The following NUP188 variants were observed in gnomAD, a reference collection of about 807,000 sequenced individuals.
NUP188 encodes nucleoporin 188, also known as nucleoporin NUP188.
Under a neutral mutation model 223.0 loss-of-function variants are expected in NUP188, and 97 were observed. That is an observed-to-expected ratio of 0.43 (90% CI 0.37 to 0.51). The LOEUF (loss-of-function observed/expected upper bound fraction) is 0.51, where lower values mean the gene tolerates loss of function less well. NUP188 is among the 20% of genes least tolerant of loss of function. The pLI, the probability that NUP188 is intolerant of heterozygous loss-of-function variation, is 0.00. For missense variants in NUP188, 1,947 were observed against 2,175.6 expected, an observed-to-expected ratio of 0.89 and a Z score of 2.09; for synonymous variants, 869 against 828.0, an observed-to-expected ratio of 1.05 and a Z score of -0.85.
intron 14 of NUP188, among the ~76,000 whole-genome samples, chr9:128,981,013 G>C (rs1842246461): frequency 2.0e-5 from 3 of 152,214 alleles, no homozygotes; most frequent in Non-Finnish European, 2.9e-5. Flanking sequence ...AGGTGGTACA[G>C]AGTAAATGTC....
Position 128,980,595 on chromosome 9 carries a change from T to C in NUP188, c.1270-11T>C. ...ATGTGAAGATCAGTGATTTGTCCCC[T>C]TCCACCACAGGAGCCAACTTCTGGC... On this transcript the variant is annotated splice_polypyrimidine_tract_variant and intron_variant, in intron 13 of 43. Coordinates refer to ENST00000372577, the MANE Select transcript of NUP188 (RefSeq NM_015354.3). 1 of 1,607,716 alleles carries C rather than the reference T, an allele frequency of 6.2e-7. No individual in the cohort carries two copies. The highest frequency in any genetic ancestry group is 1.3e-5 in the African/African-American group (1 of 74,878).
chr9:128,963,650 A>G lies in NUP188; in HGVS notation c.585+4516A>G, dbSNP rs924402183. On this transcript the variant is annotated intron_variant, in intron 8 of 43. Transcript: ENST00000372577. ...TGGCTGTTAATTTTAAACATCCTAA[A>G]TAAGTATATAGTAATATCTCATTGT... Among the ~76,000 whole-genome samples the G allele has an allele frequency of 4.6e-5, 7 of 152,090 alleles. No individual in the cohort carries two copies. The East Asian group carries it at 1.2e-3, about 25-fold the overall frequency.
Position 128,957,018 on chromosome 9 carries a change from C to T in NUP188, c.313C>T (p.Arg105Trp), listed in dbSNP as rs77094676. The T allele has an allele frequency of 6.6e-5, 106 of 1,610,352 alleles. No homozygotes were observed. Among genetic ancestry groups the T allele is most frequent in the Non-Finnish European group, 8.0e-5 (94 of 1,177,410 alleles). Residue 105 changes from arginine to tryptophan, a missense_variant, in exon 5 of 44, where the codon CGG becomes TGG. Physicochemically the swap from Arg to Trp is moderately radical, Grantham distance 101. This residue lies in a region of NUP188 where 817 missense variants were observed against 865.8 expected (regional missense o/e 0.94). Coordinates refer to ENST00000372577, the MANE Select transcript of NUP188 (RefSeq NM_015354.3). Reference sequence around the variant, plus strand: ...CCTGCAAGAGGACTACAGGGGTACTCGGGACTCAGTAAAGGTTTGTGGTTT... The same window carrying T: ...CCTGCAAGAGGACTACAGGGGTACTTGGGACTCAGTAAAGGTTTGTGGTTT... ...CYLQEDYRGT[R>W]DSVKTVLQDE...
chr9:128,985,091 C>G (rs1842315494), intron 20 of NUP188, 77 bp downstream of exon 20: 2 of 989,636 alleles, frequency 2.0e-6, no homozygotes, highest in East Asian at 4.9e-5. Context: ...AATAGTTTCC[C>G]TGGCCCCTGG....
At chr9:128,952,913 C>T in intron 3 of NUP188, 67 bp downstream of exon 3, 1 of 1,221,110 alleles carries the variant, frequency 8.2e-7, no homozygotes, top group Non-Finnish European at 1.2e-6. Context: ...TAAAACCATC[C>T]TTCTATGTGC....
rs761424140 is a variant in NUP188, at chr9:128,958,017, T to C, written c.335T>C (p.Leu112Pro). 7 of 1,613,016 alleles carry C rather than the reference T, an allele frequency of 4.3e-6. No homozygotes were observed. Among genetic ancestry groups the C allele is most frequent in the Middle Eastern group, 1.6e-4 (1 of 6,082 alleles). ...CTCTGTTTTTCTTTTCAGACAGTACTGCAAGATGAGAGGCAGAGCCAGGCC... is the reference window on the plus strand; with the variant it reads ...CTCTGTTTTTCTTTTCAGACAGTACCGCAAGATGAGAGGCAGAGCCAGGCC... ...RGTRDSVKTVLQDERQSQALI... is the reference protein window; with the variant it reads ...RGTRDSVKTVPQDERQSQALI... Residue 112 changes from leucine to proline, a missense_variant, in exon 6 of 44, where the codon CTG (leucine) becomes CCG (proline). By Grantham distance (98) the Leu-to-Pro change is moderately conservative. Coordinates refer to ENST00000372577, the MANE Select transcript of NUP188 (RefSeq NM_015354.3).
rs1226633037 is a variant in NUP188 at position 128,990,190 on chromosome 9, A to G, written c.2604A>G (p.Pro868=). Residue 868 remains proline, a synonymous_variant, in exon 25 of 44, where the codon CCA becomes CCG. Coordinates refer to ENST00000372577, the MANE Select transcript of NUP188 (RefSeq NM_015354.3). ...YIYHKHDPAL[P]RLAIQLLKRL... is the part of the protein sequence containing the mutation. ...ACCACAAACATGACCCTGCTTTGCC[A>G]CGTCTTGCCATTCAGCTGCTGAAAC... is the stretch of plus-strand genomic sequence containing the variant. The G allele has an allele frequency of 1.2e-6, 2 of 1,614,190 alleles. No individual in the cohort carries two copies. The highest frequency in any genetic ancestry group is 3.3e-5 in the Admixed American group (2 of 60,018).
intron 3 of NUP188, among the ~76,000 whole-genome samples, chr9:128,953,505 A>C (rs561459345): frequency 7.2e-5 from 11 of 152,290 alleles, no homozygotes; most frequent in African/African-American, 2.4e-4. Flanking sequence ...AATGTATTAC[A>C]TCTTTACCTT....
chr9:128,999,777 G>A lies in NUP188; in HGVS notation c.3815G>A (p.Arg1272Gln), dbSNP rs758697460. The change falls in exon 34 of 44, where the codon CGG (arginine) becomes CAG (glutamine). Residue 1272 changes from arginine to glutamine, a missense_variant. Arg to Gln is a conservative substitution (Grantham distance 43, BLOSUM62 1). This residue lies in a region of NUP188 where 905 missense variants were observed against 990.6 expected (regional missense o/e 0.91). Transcript: ENST00000372577. Reference sequence around the variant, plus strand: ...AGCATGGAGACTGACGACTGTTCTCGGTCCCGGCACAGGGACCAGCGTGAT... The same window carrying A: ...AGCATGGAGACTGACGACTGTTCTCAGTCCCGGCACAGGGACCAGCGTGAT... ...KDSMETDDCS[R>Q]SRHRDQRDGV... is the part of the protein sequence containing the mutation. 87 of 1,614,070 alleles carry A rather than the reference G, an allele frequency of 5.4e-5. No homozygotes were observed. The highest frequency in any genetic ancestry group is 2.0e-4 in the Admixed American group (12 of 60,012).
At chr9:128,988,878 C>A (rs1842376964) in intron 24 of NUP188, among the ~76,000 whole-genome samples, 1 of 151,584 alleles carries the variant, frequency 6.6e-6, no homozygotes, top group Non-Finnish European at 1.5e-5. Flanking sequence ...AGGCATCTGT[C>A]CCACGCCCGG....
chr9:128,995,384 A>C lies in NUP188; in HGVS notation c.3221A>C (p.Tyr1074Ser). 1 of 1,614,162 alleles carries C rather than the reference A, an allele frequency of 6.2e-7. No homozygotes were observed. ...KKFSIEKRFA[Y>S]WSGYVKSLAV... ...TTTTCCATCGAGAAACGCTTTGCCT[A>C]CTGGTCAGGGTATGTCAAGTCATTG... is the stretch of plus-strand genomic sequence containing the variant. The change falls in exon 30 of 44, where the codon TAC (tyrosine) becomes TCC (serine). Residue 1074 changes from tyrosine (Y) to serine (S), a missense_variant. Coordinates refer to ENST00000372577, the MANE Select transcript of NUP188 (RefSeq NM_015354.3).
chr9:128,998,765 G>A (rs1331304620), intron 32 of NUP188, 142 bp downstream of exon 32: 2 of 683,570 alleles, frequency 2.9e-6, no homozygotes, highest in African/African-American at 3.5e-5. Flanking sequence ...GCAGATAGGA[G>A]GGTGAGGCAG....
At chr9:128,970,217 C>T (rs1029130626) in intron 10 of NUP188, among the ~76,000 whole-genome samples, 4 of 152,164 alleles carry the variant, frequency 2.6e-5, no homozygotes, top group Non-Finnish European at 5.9e-5. Flanking sequence ...CTTGAGCCAC[C>T]GTGCCCGGCC....
At chr9:128,985,068 C>A in intron 20 of NUP188, 54 bp downstream of exon 20, 1 of 1,263,226 alleles carries the variant, frequency 7.9e-7, no homozygotes, top group Non-Finnish European at 1.1e-6. Context: ...CCAGTCTTGT[C>A]AGATGACTCT....
intron 3 of NUP188, among the ~76,000 whole-genome samples, chr9:128,955,401 G>A (rs1841854688): frequency 1.3e-5 from 2 of 149,846 alleles, no homozygotes; most frequent in African/African-American, 2.5e-5. Context: ...CAAACTCCTG[G>A]CCTCAAGCTA....
intron 2 of NUP188, among the ~76,000 whole-genome samples, chr9:128,951,962 T>C (rs1282278689): frequency 6.6e-6 from 1 of 152,110 alleles, no homozygotes; most frequent in East Asian, 1.9e-4. Context: ...CCAGCTAATT[T>C]TGTATTTTTT....
At position 128,990,161 on chromosome 9, in the gene NUP188, A is replaced by G. The variant is rs935276802; in HGVS notation, c.2575A>G (p.Ile859Val). Residue 859 changes from isoleucine (I) to valine (V), a missense_variant, in exon 25 of 44, where the codon ATC (isoleucine) becomes GTC (valine). By Grantham distance (29) the Ile-to-Val change is conservative. Coordinates refer to ENST00000372577, the MANE Select transcript of NUP188 (RefSeq NM_015354.3). ...NNLIAVLAKY[I>V]YHKHDPALPR... ...CCTCATTGCTGTTCTAGCCAAATAC[A>G]TCTACCACAAACATGACCCTGCTTT... The G allele has an allele frequency of 3.1e-6, 5 of 1,614,074 alleles. 1 individual carries two copies. Among genetic ancestry groups the G allele is most frequent in the African/African-American group, 1.3e-5 (1 of 74,940 alleles).
chr9:128,968,102 TA>T (rs201636226), intron 8 of NUP188, among the ~76,000 whole-genome samples: 1 of 151,832 alleles, frequency 6.6e-6, no homozygotes, highest in Admixed American at 6.6e-5. Flanking sequence ...TCCAAAAATT[TA>T]AAAAAAGAAA....
In NUP188 at chr9:128,987,697, G is replaced by A; in HGVS notation, c.2373G>A (p.Val791=). The change falls in exon 23 of 44, where the codon GTG becomes GTA. Residue 791 remains valine (V), a synonymous_variant. Coordinates refer to ENST00000372577, the MANE Select transcript of NUP188 (RefSeq NM_015354.3). ...TTGGCGTGGACACCATTGACATGGT[G>A]ATGGCTGCTCAGCCTCGAAGGTAGG... ...MGIGVDTIDM[V]MAAQPRSDGA... 1.9e-6 allele frequency: 3 copies of A among 1,613,998 alleles called. No individual in the cohort carries two copies. Among genetic ancestry groups the A allele is most frequent in the South Asian group, 1.1e-5 (1 of 91,024 alleles).
Sources: allele counts gnomAD v4.1 joint callset (sites outside exome capture counted in the v4.1 genomes callset), GRCh38; gene constraint gnomAD v4.1.1; regional missense constraint gnomAD v4.1.1; transcripts MANE v1.5; gene names NCBI Gene and HGNC (gene_info 2026-07-23, HGNC 2026-07-21).